The following VPS37A variants were observed in gnomAD, a reference collection of about 807,000 sequenced individuals.
VPS37A encodes VPS37A subunit of ESCRT-I, also known as vacuolar protein sorting-associated protein 37A.
In VPS37A, 30 loss-of-function variants were observed where a neutral mutation model predicts 49.8. The ratio of observed to expected loss-of-function variants is 0.60; its 90% CI spans 0.45 to 0.82. The LOEUF (loss-of-function observed/expected upper bound fraction) is 0.82. Among genes scored for constraint, VPS37A ranks in the 40% least tolerant of loss-of-function variants. VPS37A has a pLI of 0.00. For missense variants in VPS37A, 593 were observed against 464.4 expected, an observed-to-expected ratio of 1.28 and a Z score of -2.55; for synonymous variants, 195 against 160.6, an observed-to-expected ratio of 1.21 and a Z score of -1.62.
intron 6 of VPS37A, 186 bp from the exon 7 acceptor site, chr8:17,279,842 T>G (rs1411028656): frequency 2.8e-6 from 2 of 708,196 alleles, no homozygotes; most frequent in Admixed American, 2.1e-5. Context: ...TATTACAGAC[T>G]GCTCTATGTT....
chr8:17,332,229 AT>A, the VPS37A span, among the ~76,000 whole-genome samples: 367 of 151,666 alleles, frequency 2.4e-3, 6 homozygotes, highest in African/African-American at 7.7e-3. Context: ...CCAGAAAAAA[AT>A]ATCTGCTTTT....
intron 1 of VPS37A, among the ~76,000 whole-genome samples, chr8:17,255,631 A>G (rs1211581853): frequency 1.3e-5 from 2 of 152,238 alleles, no homozygotes; most frequent in East Asian, 3.8e-4. Flanking sequence ...GATACATGAT[A>G]GCTGTACAAA....
intron 1 of VPS37A, among the ~76,000 whole-genome samples, chr8:17,250,286 G>A (rs369198967): frequency 6.6e-6 from 1 of 151,612 alleles, no homozygotes; most frequent in African/African-American, 2.4e-5. Context: ...TTGGGGTATT[G>A]TTTTCTGAGC....
At chr8:17,313,247 G>T in the VPS37A span, 1 of 1,433,870 alleles carries the variant, frequency 7.0e-7, no homozygotes, top group Non-Finnish European at 9.8e-7. Context: ...GAAGTCAGTG[G>T]TTTGCTCATC....
At chr8:17,282,993 G>A (rs1815231462) in intron 9 of VPS37A, among the ~76,000 whole-genome samples, 1 of 152,040 alleles carries the variant, frequency 6.6e-6, no homozygotes, top group Non-Finnish European at 1.5e-5. Context: ...GGAAACTTTG[G>A]AAAATATGTT....
the VPS37A span, among the ~76,000 whole-genome samples, chr8:17,325,038 C>T: frequency 6.6e-6 from 1 of 152,150 alleles, no homozygotes. Context: ...CTGAGTCCAT[C>T]TTCCATTTCC....
chr8:17,268,280 C>T lies in VPS37A; in HGVS notation c.223C>T (p.Gln75Ter). Residue 75 changes from glutamine (Q) to a stop codon, truncating the protein, a stop_gained, in exon 3 of 12, where the codon CAG (glutamine) becomes TAG (stop). Coordinates refer to ENST00000324849, the MANE Select transcript of VPS37A (RefSeq NM_152415.3). LOFTEE classifies it high-confidence loss of function. ...CAGATTGCTTCCTCCACAGTTTCCT[C>T]AGGAAAAACCAGTGATCAGTGTTTA... The part of the protein sequence containing the change: ...INILLPPQFP[Q>*]EKPVISVYPP... 1 of 1,612,682 alleles carries T rather than the reference C, an allele frequency of 6.2e-7. No homozygotes were observed. Among genetic ancestry groups the T allele is most frequent in the Non-Finnish European group, 8.5e-7 (1 of 1,179,656 alleles).
At chr8:17,255,588 T>C (rs1812373713) in intron 1 of VPS37A, among the ~76,000 whole-genome samples, 1 of 152,206 alleles carries the variant, frequency 6.6e-6, no homozygotes, top group Admixed American at 6.5e-5. Flanking sequence ...TCAGAAATAG[T>C]GCCTCTGTTG....
intron 1 of VPS37A, among the ~76,000 whole-genome samples, chr8:17,248,573 G>A (rs1811661368): frequency 6.6e-6 from 1 of 152,154 alleles, no homozygotes; most frequent in African/African-American, 2.4e-5. Flanking sequence ...ACCTCGCCGG[G>A]CTCCTAGCCC....
chr8:17,255,633 C>T (rs1387165707), intron 1 of VPS37A, among the ~76,000 whole-genome samples: 1 of 152,186 alleles, frequency 6.6e-6, no homozygotes, highest in African/African-American at 2.4e-5. Context: ...TACATGATAG[C>T]TGTACAAACA....
chr8:17,252,250 G>A (rs1007849974), intron 1 of VPS37A, among the ~76,000 whole-genome samples: 25 of 152,212 alleles, frequency 1.6e-4, no homozygotes, highest in South Asian at 8.3e-4. Context: ...ACAGCTTACC[G>A]CAGCAATCCT....
the VPS37A span, among the ~76,000 whole-genome samples, chr8:17,323,667 A>T: frequency 6.6e-6 from 1 of 152,140 alleles, no homozygotes; most frequent in East Asian, 1.9e-4. Context: ...GTCATTCCAC[A>T]CACCTCATGC....
chr8:17,304,694 A>C (rs748048777), downstream of VPS37A, among the ~76,000 whole-genome samples: 6 of 150,596 alleles, frequency 4.0e-5, no homozygotes, highest in Non-Finnish European at 8.8e-5. Flanking sequence ...AGAACACTGT[A>C]ATAATCTCAA....
chr8:17,328,699 C>A, the VPS37A span, among the ~76,000 whole-genome samples: 5 of 152,024 alleles, frequency 3.3e-5, no homozygotes, highest in Admixed American at 1.3e-4. Context: ...CCTGCACATA[C>A]CCCAGAACTT....
At chr8:17,303,382 CTA>C (rs1188744615), downstream of VPS37A, among the ~76,000 whole-genome samples, 1 of 152,052 alleles carries the variant, frequency 6.6e-6, no homozygotes, top group Non-Finnish European at 1.5e-5. Flanking sequence ...GAAACGAAAT[CTA>C]TACAGGGAGA....
At chr8:17,255,591 C>T (rs1041544168) in intron 1 of VPS37A, among the ~76,000 whole-genome samples, 1 of 152,080 alleles carries the variant, frequency 6.6e-6, no homozygotes, top group African/African-American at 2.4e-5. Flanking sequence ...GAAATAGTGC[C>T]TCTGTTGCAT....
intron 1 of VPS37A, among the ~76,000 whole-genome samples, chr8:17,263,400 T>C (rs1813146193): frequency 6.6e-6 from 1 of 152,232 alleles, no homozygotes; most frequent in Admixed American, 6.5e-5. Context: ...TTAATGCAGC[T>C]AATCAAAATG....
chr8:17,284,569 A>C lies in VPS37A; in HGVS notation c.1066A>C (p.Lys356Gln), dbSNP rs199771945. Residue 356 changes from lysine (K) to glutamine (Q), a missense_variant, in exon 10 of 12, where the codon AAG (lysine) becomes CAG (glutamine). Lys to Gln is a moderately conservative substitution (Grantham distance 53). Coordinates refer to ENST00000324849, the MANE Select transcript of VPS37A (RefSeq NM_152415.3). ...TATTGCAGAAGACTTCTTGGAGGGAAAGATGGAAATAGATGATTTTCTCAG... is the reference window on the plus strand; with the variant it reads ...TATTGCAGAAGACTTCTTGGAGGGACAGATGGAAATAGATGATTTTCTCAG... The part of the protein sequence containing the change: ...DNIAEDFLEG[K>Q]MEIDDFLSSF... 1 of 1,601,732 alleles carries C rather than the reference A, an allele frequency of 6.2e-7. No homozygotes were observed. Among genetic ancestry groups the C allele is most frequent in the Non-Finnish European group, 8.5e-7 (1 of 1,175,834 alleles).
rs1227418696 is a variant in VPS37A at position 17,297,593 on chromosome 8, T to TG, written c.*2608dup. On this transcript the variant is annotated 3_prime_UTR_variant, in exon 12 of 12. Transcript: ENST00000324849. ...TATCAACTTTAAAAAATAAATTACTTGCATTCTATATATTACTAATTGGGA... is the reference window on the plus strand; with the variant it reads ...TATCAACTTTAAAAAATAAATTACTTGGCATTCTATATATTACTAATTGGGA... 6.6e-6 allele frequency: 1 copy of TG among 152,074 alleles called. No individual in the cohort carries two copies. The highest frequency in any genetic ancestry group is 1.5e-5 in the Non-Finnish European group (1 of 67,944). 9.4% of individuals were successfully genotyped at this position (152,074 alleles called of 1,614,324 possible). A position where few individuals can be genotyped will look rare whatever the true frequency, so the allele number is the denominator to read the frequency against.
Sources: allele counts gnomAD v4.1 joint callset (sites outside exome capture counted in the v4.1 genomes callset), GRCh38; gene constraint gnomAD v4.1.1; transcripts MANE v1.5; gene names NCBI Gene and HGNC (gene_info 2026-07-23, HGNC 2026-07-21).